ASTN2: variants seen among roughly 807,000 people sequenced by gnomAD.
The protein encoded by ASTN2 is astrotactin-2.
Under a neutral mutation model 139.8 loss-of-function variants are expected in ASTN2, and 54 were observed. The observed-to-expected ratio is 0.39, with a 90% CI of 0.31 to 0.48. The LOEUF (loss-of-function observed/expected upper bound fraction) is 0.48. Ranked by LOEUF, ASTN2 falls within the 20% of genes least tolerant of loss-of-function variation. ASTN2 has a pLI of 0.95. For missense variants in ASTN2, 1,565 were observed against 1,725.1 expected, an observed-to-expected ratio of 0.91 and a Z score of 1.64; for synonymous variants, 756 against 719.5, an observed-to-expected ratio of 1.05 and a Z score of -0.81.
intron 6 of ASTN2, among the ~76,000 whole-genome samples, chr9:117,034,090 A>G (rs1436472515): frequency 6.6e-6 from 1 of 152,156 alleles, no homozygotes; most frequent in East Asian, 1.9e-4. Flanking sequence ...AAGTCTTGGA[A>G]CAAAACAGGG....
intron 3 of ASTN2, among the ~76,000 whole-genome samples, chr9:117,208,240 T>C (rs1323373968): frequency 6.6e-6 from 1 of 152,114 alleles, no homozygotes; most frequent in Non-Finnish European, 1.5e-5. Flanking sequence ...AGAAGAAAGA[T>C]AGTCAATTTA....
At chr9:117,190,922 TG>T (rs1332916397) in intron 3 of ASTN2, among the ~76,000 whole-genome samples, 73 of 152,292 alleles carry the variant, frequency 4.8e-4, no homozygotes, top group Non-Finnish European at 2.1e-4. Context: ...GAAATTGACT[TG>T]CATATATCTT....
At chr9:116,435,963 A>C (rs181803135) in intron 22 of ASTN2, among the ~76,000 whole-genome samples, 2 of 152,272 alleles carry the variant, frequency 1.3e-5, no homozygotes, top group East Asian at 3.9e-4. Context: ...AGGCACGTTA[A>C]AGTTTGAGAA....
intron 10 of ASTN2, among the ~76,000 whole-genome samples, chr9:116,959,550 G>C (rs961933104): frequency 4.6e-5 from 7 of 152,156 alleles, no homozygotes; most frequent in Admixed American, 3.9e-4. Context: ...AGGGAGGCAG[G>C]AAGAACATCT....
rs140154951 is a variant in ASTN2 at position 117,191,820 on chromosome 9, C to T, written c.1015+22538G>A. Among the ~76,000 whole-genome samples the T allele has an allele frequency of 2.1e-3, 326 of 152,242 alleles. 1 individual carries two copies. Among genetic ancestry groups the T allele is most frequent in the Middle Eastern group, 6.8e-3 (2 of 292 alleles). On this transcript the variant is annotated intron_variant, in intron 3 of 22. Transcript: ENST00000313400. The stretch of plus-strand genomic sequence containing the variant: ...TCCTTCAACCTCATCTGTCACTATG[C>T]GGTGGTACTGCCTTGCCAGCCACAG...
At chr9:116,502,263 A>C (rs537208696) in intron 19 of ASTN2, among the ~76,000 whole-genome samples, 3 of 152,014 alleles carry the variant, frequency 2.0e-5, no homozygotes, top group South Asian at 2.1e-4. Flanking sequence ...GACACACACA[A>C]AAAACAAACA....
chr9:117,386,985 C>T (rs576825515), intron 1 of ASTN2, among the ~76,000 whole-genome samples: 5 of 152,326 alleles, frequency 3.3e-5, no homozygotes, highest in Admixed American at 6.5e-5. Context: ...GCCACCAACA[C>T]CCTCTGGGAC....
chr9:116,683,529 G>C (rs1044224434), intron 16 of ASTN2, among the ~76,000 whole-genome samples: 5 of 152,222 alleles, frequency 3.3e-5, no homozygotes, highest in Non-Finnish European at 7.4e-5. Context: ...ATCACACTCT[G>C]AGTGCAGGTC....
chr9:117,156,650 A>C (rs1019246708), intron 3 of ASTN2, among the ~76,000 whole-genome samples: 2 of 152,012 alleles, frequency 1.3e-5, no homozygotes, highest in Non-Finnish European at 2.9e-5. Context: ...GACCATGAAG[A>C]GGTGTTAACT....
chr9:117,116,282 A>T (rs1383735678), intron 4 of ASTN2, among the ~76,000 whole-genome samples: 2 of 152,202 alleles, frequency 1.3e-5, no homozygotes, highest in Non-Finnish European at 2.9e-5. Flanking sequence ...CACACAAGTG[A>T]AACAGAGATT....
intron 10 of ASTN2, among the ~76,000 whole-genome samples, chr9:116,873,447 TG>T (rs1833215776): frequency 6.6e-6 from 1 of 152,212 alleles, no homozygotes; most frequent in Non-Finnish European, 1.5e-5. Flanking sequence ...TGAGGAGGCA[TG>T]GCCATTTTCC....
intron 1 of ASTN2, among the ~76,000 whole-genome samples, chr9:117,308,775 A>G (rs992700952): frequency 2.6e-5 from 4 of 152,082 alleles, no homozygotes; most frequent in African/African-American, 9.7e-5. Flanking sequence ...CTACCTTTAA[A>G]AAAAAAAATA....
intron 19 of ASTN2, chr9:116,613,226 C>T (rs1321097472): frequency 6.6e-6 from 1 of 151,970 alleles, no homozygotes; most frequent in South Asian, 2.1e-4. Context: ...AAATTGAGGC[C>T]ATAATTAATA....
intron 4 of ASTN2, among the ~76,000 whole-genome samples, chr9:117,110,078 T>C (rs774631995): frequency 3.3e-5 from 5 of 152,216 alleles, no homozygotes; most frequent in Non-Finnish European, 7.3e-5. Context: ...GTTATGTATA[T>C]ATATGTTCAT....
intron 13 of ASTN2, among the ~76,000 whole-genome samples, chr9:116,764,192 G>C (rs1024555958): frequency 1.3e-5 from 2 of 152,344 alleles, no homozygotes; most frequent in South Asian, 4.1e-4. Flanking sequence ...ACTGGTCCCA[G>C]ATGCTGCCTG....
intron 19 of ASTN2, among the ~76,000 whole-genome samples, chr9:116,589,198 C>T (rs769851678): frequency 6.6e-6 from 1 of 152,014 alleles, no homozygotes; most frequent in Non-Finnish European, 1.5e-5. Flanking sequence ...TGAAAGAGAG[C>T]TGAAAGGAGA....
At chr9:117,380,988 A>C (rs1001643387) in intron 1 of ASTN2, among the ~76,000 whole-genome samples, 4 of 152,214 alleles carry the variant, frequency 2.6e-5, no homozygotes, top group Non-Finnish European at 4.4e-5. Flanking sequence ...GATAACCAAA[A>C]AGTGGAAGCA....
At chr9:117,137,688 G>A (rs1449922794) in intron 4 of ASTN2, among the ~76,000 whole-genome samples, 1 of 151,920 alleles carries the variant, frequency 6.6e-6, no homozygotes, top group East Asian at 1.9e-4. Context: ...AAGAGAAAGA[G>A]GGAGGGTGGA....
At chr9:117,307,992 C>T (rs1328885225) in intron 1 of ASTN2, among the ~76,000 whole-genome samples, 1 of 152,170 alleles carries the variant, frequency 6.6e-6, no homozygotes, top group African/African-American at 2.4e-5. Context: ...CCACTTAATC[C>T]TTTCTGATTT....
Sources: gnomAD v4.1 joint callset for allele counts (sites outside exome capture counted in the v4.1 genomes callset) on GRCh38, gnomAD v4.1.1 for gene constraint, MANE v1.5 for transcripts, NCBI Gene and HGNC (gene_info 2026-07-23, HGNC 2026-07-21) for gene names.